ATIC: variants seen among roughly 807,000 people sequenced by gnomAD.
ATIC encodes 5-aminoimidazole-4-carboxamide ribonucleotide formyltransferase/IMP cyclohydrolase.
A neutral mutation model predicts 72.5 loss-of-function variants in ATIC; 64 were observed. That is an observed-to-expected ratio of 0.88 (90% CI 0.72 to 1.09). ATIC has a LOEUF of 1.09. ATIC is among the 50% of genes least tolerant of loss of function. ATIC has a pLI of 0.00. For missense variants in ATIC, 787 were observed against 732.4 expected (o/e 1.07, Z -0.86); for synonymous variants, 281 against 267.1 (o/e 1.05, Z -0.51).
At chr2:215,357,238 A>G in the ATIC span, among the ~76,000 whole-genome samples, 7 of 152,206 alleles carry the variant, frequency 4.6e-5, no homozygotes, top group African/African-American at 1.2e-4. Context: ...GGCCATTTAC[A>G]AAGTACCAAG....
At chr2:215,315,027 G>A (rs914468904) in intron 2 of ATIC, among the ~76,000 whole-genome samples, 3 of 152,264 alleles carry the variant, frequency 2.0e-5, no homozygotes, top group Admixed American at 2.0e-4. Context: ...AAGTATGATT[G>A]GACAGCAAGG....
At chr2:215,317,060 G>T (rs1206943548) in intron 2 of ATIC, among the ~76,000 whole-genome samples, 1 of 152,090 alleles carries the variant, frequency 6.6e-6, no homozygotes, top group Non-Finnish European at 1.5e-5. Flanking sequence ...ACCCCACCTG[G>T]CCCCTGCTTT....
At chr2:215,342,127 A>G (rs1014221093) in intron 12 of ATIC, among the ~76,000 whole-genome samples, 4 of 152,156 alleles carry the variant, frequency 2.6e-5, no homozygotes, top group African/African-American at 9.7e-5. Flanking sequence ...GGATTATTAT[A>G]ATTCAGGGTG....
chr2:215,330,461 A>G (rs540898021), intron 7 of ATIC, among the ~76,000 whole-genome samples: 1 of 152,284 alleles, frequency 6.6e-6, no homozygotes, highest in East Asian at 1.9e-4. Context: ...AACATCATGC[A>G]TTAGTGTGGT....
chr2:215,348,774 A>C (rs1238878262), intron 14 of ATIC: 1 of 316,548 alleles, frequency 3.2e-6, no homozygotes, highest in Non-Finnish European at 6.0e-6. Context: ...CCTCCTGGCC[A>C]ACATGGTGAA....
At chr2:215,319,412 G>A (rs534653302) in intron 3 of ATIC, among the ~76,000 whole-genome samples, 149 of 152,132 alleles carry the variant, frequency 9.8e-4, no homozygotes, top group Non-Finnish European at 1.7e-3. Flanking sequence ...GTGTGGTGAT[G>A]CATTCCTGTA....
intron 8 of ATIC, among the ~76,000 whole-genome samples, chr2:215,332,818 G>A (rs1050119097): frequency 6.6e-6 from 1 of 152,140 alleles, no homozygotes; most frequent in Non-Finnish European, 1.5e-5. Flanking sequence ...ATGTAATGGA[G>A]TAAACATAAA....
chr2:215,350,354 C>G (rs937652894), downstream of ATIC, among the ~76,000 whole-genome samples: 1 of 152,128 alleles, frequency 6.6e-6, no homozygotes, highest in Non-Finnish European at 1.5e-5. Flanking sequence ...AGGCTGGTCT[C>G]GAACTCTTGA....
At position 215,349,208 on chromosome 2, in the gene ATIC, G is replaced by T. The variant is rs374381424; in HGVS notation, c.1618G>T (p.Ala540Ser). 1 of 1,614,034 alleles carries T rather than the reference G, an allele frequency of 6.2e-7. No homozygotes were observed. The highest frequency in any genetic ancestry group is 2.2e-5 in the East Asian group (1 of 44,880). ...KLTEVSISSD[A>S]FFPFRDNVDR... ...GACTGAAGTTTCTATCAGCTCTGAT[G>T]CCTTCTTCCCTTTCCGAGATAACGT... Residue 540 changes from alanine (A) to serine (S), a missense_variant, in exon 15 of 16, where the codon GCC (alanine) becomes TCC (serine). Coordinates refer to ENST00000236959, the MANE Select transcript of ATIC (RefSeq NM_004044.7).
At chr2:215,324,019 C>T (rs532594674) in intron 4 of ATIC, among the ~76,000 whole-genome samples, 8 of 152,246 alleles carry the variant, frequency 5.3e-5, no homozygotes, top group African/African-American at 1.9e-4. Context: ...TCCTGAGCCT[C>T]CCAAAGTGCT....
chr2:215,358,985 C>T, the ATIC span, among the ~76,000 whole-genome samples: 1 of 152,174 alleles, frequency 6.6e-6, no homozygotes, highest in South Asian at 2.1e-4. Flanking sequence ...TGGGTTCAAA[C>T]GATTCTCCTG....
chr2:215,351,500 G>C (rs962294142), downstream of ATIC, among the ~76,000 whole-genome samples: 9 of 152,174 alleles, frequency 5.9e-5, no homozygotes, highest in African/African-American at 2.2e-4. Flanking sequence ...TGTGTCTCCT[G>C]TCTATAATCC....
intron 12 of ATIC, among the ~76,000 whole-genome samples, chr2:215,343,952 T>G (rs538397203): frequency 6.6e-6 from 1 of 152,316 alleles, no homozygotes; most frequent in South Asian, 2.1e-4. Context: ...GACTGGTAAT[T>G]CCTAATGGTT....
At chr2:215,326,315 T>G (rs562435923) in intron 6 of ATIC, among the ~76,000 whole-genome samples, 177 bp downstream of exon 6, 3 of 152,074 alleles carry the variant, frequency 2.0e-5, no homozygotes, top group Admixed American at 2.0e-4. Flanking sequence ...TCAAAAAGAT[T>G]GAAAGAGAGC....
chr2:215,312,773 A>G, intron 2 of ATIC, 149 bp downstream of exon 2: 5 of 1,319,342 alleles, frequency 3.8e-6, no homozygotes, highest in Non-Finnish European at 5.3e-6. Context: ...ATGGGGAAAA[A>G]AAGTGAGGCT....
intron 11 of ATIC, among the ~76,000 whole-genome samples, chr2:215,337,874 G>A (rs1213765159): frequency 6.6e-6 from 1 of 152,182 alleles, no homozygotes; most frequent in Admixed American, 6.5e-5. Context: ...ATTTGGCTTA[G>A]TTTGCACATT....
chr2:215,352,591 A>T (rs1303864870), downstream of ATIC, among the ~76,000 whole-genome samples: 1 of 152,180 alleles, frequency 6.6e-6, no homozygotes, highest in African/African-American at 2.4e-5. Context: ...CAAGAAAAAA[A>T]AAAAATTAAA....
chr2:215,340,951 A>G (rs1194012823), intron 12 of ATIC, among the ~76,000 whole-genome samples: 1 of 152,138 alleles, frequency 6.6e-6, no homozygotes, highest in Non-Finnish European at 1.5e-5. Flanking sequence ...TCTGCCCAGC[A>G]TTTCTGTTTG....
At chr2:215,365,624 C>T in the ATIC span, 1 of 1,613,944 alleles carries the variant, frequency 6.2e-7, no homozygotes, top group Non-Finnish European at 8.5e-7. Context: ...ATTGTCATGG[C>T]ACCATCCTGT....
Sources: gnomAD v4.1 joint callset for allele counts (sites outside exome capture counted in the v4.1 genomes callset) on GRCh38, gnomAD v4.1.1 for gene constraint, MANE v1.5 for transcripts, NCBI Gene and HGNC (gene_info 2026-07-23, HGNC 2026-07-21) for gene names.